CCDC30: variants seen among roughly 807,000 people sequenced by gnomAD.
CCDC30 encodes the protein coiled-coil domain-containing protein 30.
A neutral mutation model predicts 100.2 loss-of-function variants in CCDC30; 70 were observed. The observed-to-expected ratio is 0.70, with a 90% CI of 0.58 to 0.85. The LOEUF is 0.85. Ranked by LOEUF, CCDC30 falls within the 40% of genes least tolerant of loss-of-function variation. The pLI is 0.00. For missense variants in CCDC30, 652 were observed against 771.2 expected (o/e 0.85, Z 1.83); for synonymous variants, 233 against 269.5 (o/e 0.86, Z 1.33).
chr1:42,547,656 T>A (rs1645171262), intron 6 of CCDC30, among the ~76,000 whole-genome samples: 1 of 152,188 alleles, frequency 6.6e-6, no homozygotes, highest in Non-Finnish European at 1.5e-5. Context: ...ACTGGGACTC[T>A]GAAAAGTCTA....
At chr1:42,556,238 G>A in intron 6 of CCDC30, 2 of 1,614,076 alleles carry the variant, frequency 1.2e-6, no homozygotes, top group East Asian at 2.2e-5. Context: ...GGGGCAGAAG[G>A]AGGAGGGCTC....
intron 3 of CCDC30, among the ~76,000 whole-genome samples, chr1:42,489,169 T>G (rs1644097440): frequency 6.6e-6 from 1 of 152,238 alleles, no homozygotes; most frequent in African/African-American, 2.4e-5. Flanking sequence ...TTTTTACATC[T>G]TTGGCTCAGT....
At chr1:42,577,024 A>C in exon 8 of CCDC30, 3 of 1,607,248 alleles carry the variant, frequency 1.9e-6, no homozygotes, top group South Asian at 2.2e-5. Flanking sequence ...CTCTAGATAA[A>C]GATTGAACTA....
chr1:42,589,144 T>C (rs191317347), intron 9 of CCDC30, among the ~76,000 whole-genome samples, 177 bp from the exon 14 acceptor site: 1 of 151,982 alleles, frequency 6.6e-6, no homozygotes, highest in East Asian at 1.9e-4. Context: ...GTGAGAGAAG[T>C]AAGGAAAGCT....
At chr1:42,542,425 G>A (rs1645028447) in intron 6 of CCDC30, among the ~76,000 whole-genome samples, 2 of 151,700 alleles carry the variant, frequency 1.3e-5, no homozygotes, top group African/African-American at 2.4e-5. Flanking sequence ...GAATGCAGCG[G>A]CAAGATCATA....
chr1:42,552,242 T>C (rs1395792035), intron 6 of CCDC30, among the ~76,000 whole-genome samples: 1 of 152,156 alleles, frequency 6.6e-6, no homozygotes, highest in African/African-American at 2.4e-5. Flanking sequence ...AAATGTAAAA[T>C]GGCATTAGCC....
intron 6 of CCDC30, among the ~76,000 whole-genome samples, chr1:42,549,474 C>T (rs540599181): frequency 1.3e-5 from 2 of 148,282 alleles, no homozygotes; most frequent in East Asian, 2.0e-4. Flanking sequence ...TCACAAATAT[C>T]GCAAGGGCAA....
At chr1:42,615,148 TG>T (rs1646701255) in intron 11 of CCDC30, among the ~76,000 whole-genome samples, 1 of 152,078 alleles carries the variant, frequency 6.6e-6, no homozygotes, top group African/African-American at 2.4e-5. Context: ...AATGTGAAGA[TG>T]GTTGATAGGT....
exon 8 of CCDC30, chr1:42,577,046 A>G: frequency 1.2e-6 from 2 of 1,613,868 alleles, no homozygotes; most frequent in Non-Finnish European, 1.7e-6. Flanking sequence ...AGCATGCCCA[A>G]CAGAAGTTAT....
chr1:42,500,190 G>A (rs1644287739), intron 6 of CCDC30: 5 of 1,504,492 alleles, frequency 3.3e-6, no homozygotes, highest in Middle Eastern at 2.0e-4. Context: ...GTGCATATTG[G>A]CGGTGCACGC....
chr1:42,595,244 T>C (rs1439910058), intron 10 of CCDC30: 3 of 152,190 alleles, frequency 2.0e-5, no homozygotes, highest in Non-Finnish European at 2.9e-5. Context: ...AAAAGCGTTA[T>C]GGACAGAAAA....
intron 4 of CCDC30, 29 bp downstream of exon 4, chr1:42,490,258 A>G: frequency 9.7e-7 from 1 of 1,025,940 alleles, no homozygotes; most frequent in Non-Finnish European, 1.3e-6. Context: ...TATGATGATT[A>G]TTATTTAGTA....
chr1:42,543,857 A>G (rs556484513), intron 6 of CCDC30, among the ~76,000 whole-genome samples: 2 of 152,372 alleles, frequency 1.3e-5, no homozygotes, highest in South Asian at 2.1e-4. Flanking sequence ...TTGAAAAGGC[A>G]TAGGAAACCA....
At chr1:42,589,149 A>G (rs1466034530) in intron 9 of CCDC30, among the ~76,000 whole-genome samples, 172 bp from the exon 14 acceptor site, 1 of 152,122 alleles carries the variant, frequency 6.6e-6, no homozygotes, top group Admixed American at 6.5e-5. Context: ...AGAAGTAAGG[A>G]AAGCTTCTAT....
At chr1:42,456,582 C>A in the CCDC30 span, 3 of 1,492,344 alleles carry the variant, frequency 2.0e-6, no homozygotes, top group Non-Finnish European at 2.7e-6. Flanking sequence ...GAAATGGATC[C>A]GGTAGCCGAG....
upstream of CCDC30, chr1:42,459,835 A>G: frequency 1.2e-6 from 2 of 1,614,198 alleles, no homozygotes; most frequent in Non-Finnish European, 1.7e-6. Context: ...TTGCTATCAG[A>G]GGAAGAAATA....
At position 42,465,610 on chromosome 1, in the gene CCDC30, C is replaced by CCG. The variant is rs760260490; in HGVS notation, c.-92+1713_-92+1714insGC. On this transcript the variant is annotated intron_variant, in intron 1 of 16. Transcript: ENST00000668663. ...GAACTCCTGACCCCAGGTGATCCGCCCACCTCAGCCTCCCAAAGTGCTGGG... is the reference window on the plus strand; with the variant it reads ...GAACTCCTGACCCCAGGTGATCCGCCCGCACCTCAGCCTCCCAAAGTGCTGGG... Among the ~76,000 whole-genome samples, 5 of 152,260 alleles carry CCG rather than the reference C, an allele frequency of 3.3e-5. No individual in the cohort carries two copies. In the East Asian group the frequency reaches 5.8e-4, roughly 18 times the overall value.
At chr1:42,532,241 A>G (rs1644817198) in intron 6 of CCDC30, among the ~76,000 whole-genome samples, 1 of 152,232 alleles carries the variant, frequency 6.6e-6, no homozygotes, top group South Asian at 2.1e-4. Flanking sequence ...CCTCCACATC[A>G]GTCAGAGAAA....
chr1:42,584,493 T>C (rs1202403452), intron 9 of CCDC30, among the ~76,000 whole-genome samples: 1 of 152,080 alleles, frequency 6.6e-6, no homozygotes, highest in East Asian at 1.9e-4. Context: ...CTTGGGAGGC[T>C]GAGGCAAGAA....
Sources: allele counts gnomAD v4.1 joint callset (sites outside exome capture counted in the v4.1 genomes callset), GRCh38; gene constraint gnomAD v4.1.1; transcripts MANE v1.5; gene names NCBI Gene and HGNC (gene_info 2026-07-23, HGNC 2026-07-21).